The following NEMP1 variants were observed in gnomAD, a reference collection of about 807,000 sequenced individuals.
The protein encoded by NEMP1 is transmembrane protein 194.
Under a neutral mutation model 53.7 loss-of-function variants are expected in NEMP1, and 29 were observed. The observed-to-expected ratio is 0.54, with a 90% CI of 0.40 to 0.74. NEMP1 has a LOEUF of 0.74. Ranked by LOEUF, NEMP1 falls within the 30% of genes least tolerant of loss-of-function variation. NEMP1 has a pLI of 0.00. For synonymous variants in NEMP1, 193 were observed against 192.9 expected (o/e 1.00, Z 0.00); for missense variants, 477 against 528.6 (o/e 0.90, Z 0.96).
At chr12:57,088,594 G>A (rs2233268), upstream of NEMP1, among the ~76,000 whole-genome samples, 1 of 152,200 alleles carries the variant, frequency 6.6e-6, no homozygotes, top group Non-Finnish European at 1.5e-5. Flanking sequence ...GCGTGTGCAC[G>A]TCCGTGCGCT....
rs1443214604 is a variant in NEMP1 at position 57,070,838 on chromosome 12, T to G, written c.308A>C (p.Lys103Thr). ...ACTAAACTGCTCTAGCTCCTTCAGT[T>G]TCTCCTCATTCTCCACCTGGGTGAC... is the stretch of plus-strand genomic sequence containing the variant. ...VRVTQVENEE[K>T]LKELEQFSIW... is the part of the protein sequence containing the mutation. The change falls in exon 3 of 9, where the codon AAA becomes ACA. Residue 103 changes from lysine (K) to threonine (T), a missense_variant. Lys to Thr is a moderately conservative substitution (Grantham distance 78, BLOSUM62 -1). Coordinates refer to ENST00000300128, the MANE Select transcript of NEMP1 (RefSeq NM_001130963.2). The G allele has an allele frequency of 6.2e-7, 1 of 1,614,182 alleles. No individual in the cohort carries two copies. The highest frequency in any genetic ancestry group is 8.5e-7 in the Non-Finnish European group (1 of 1,180,026).
At chr12:57,082,024 C>G (rs1055789981), upstream of NEMP1, among the ~76,000 whole-genome samples, 1 of 152,100 alleles carries the variant, frequency 6.6e-6, no homozygotes, top group Non-Finnish European at 1.5e-5. Context: ...CAAGACCAGC[C>G]TGGCCACCAT....
chr12:57,063,202 T>C lies in NEMP1; in HGVS notation c.897A>G (p.Pro299=), dbSNP rs746353059. The part of the protein sequence containing the change: ...LCFMYSGIQI[P]HIALAIIIIA... ...TGATGATAATGGCAAGGGCAATATG[T>C]GGTATCTGGATGCCAGAATACATGA... Residue 299 remains proline, a synonymous_variant, in exon 7 of 9, where the codon CCA becomes CCG. Coordinates refer to ENST00000300128, the MANE Select transcript of NEMP1 (RefSeq NM_001130963.2). 1 of 1,614,202 alleles carries C rather than the reference T, an allele frequency of 6.2e-7. No individual in the cohort carries two copies. Among genetic ancestry groups the C allele is most frequent in the South Asian group, 1.1e-5 (1 of 91,084 alleles).
chr12:57,064,569 T>G, intron 5 of NEMP1, 77 bp downstream of exon 5: 1 of 1,146,116 alleles, frequency 8.7e-7, no homozygotes, highest in Non-Finnish European at 1.3e-6. Context: ...ATTTTCAGTT[T>G]TCTAAGATTA....
rs888038649 is a variant in NEMP1, at chr12:57,068,882, C to T, written c.545+352G>A. On this transcript the variant is annotated intron_variant, in intron 4 of 8. Coordinates refer to ENST00000300128, the MANE Select transcript of NEMP1 (RefSeq NM_001130963.2). ...TACCCAGAAGCTATTTGTTTCTTTA[C>T]GTCTGAACAAAATGAAACTCATCAA... is the stretch of plus-strand genomic sequence containing the variant. Among the ~76,000 whole-genome samples, 7 of 152,098 alleles carry T rather than the reference C, an allele frequency of 4.6e-5. No homozygotes were observed. In the East Asian group the frequency reaches 9.7e-4, roughly 21 times the overall value.
intron 1 of NEMP1, among the ~76,000 whole-genome samples, chr12:57,084,203 C>T (rs1427429345): frequency 6.6e-6 from 1 of 152,298 alleles, no homozygotes; most frequent in East Asian, 1.9e-4. Flanking sequence ...CTCAGGTGAT[C>T]CACCCACCTC....
chr12:57,062,938 T>C (rs1461143934), intron 7 of NEMP1, among the ~76,000 whole-genome samples, 181 bp downstream of exon 7: 2 of 149,648 alleles, frequency 1.3e-5, no homozygotes, highest in Non-Finnish European at 3.0e-5. Flanking sequence ...AATAAAAATA[T>C]AAAAATTCCT....
chr12:57,076,640 T>C (rs1484676648), intron 1 of NEMP1, among the ~76,000 whole-genome samples: 1 of 146,668 alleles, frequency 6.8e-6, no homozygotes, highest in South Asian at 2.2e-4. Context: ...ACCCCGTCTG[T>C]ACAAAAAATA....
upstream of NEMP1, among the ~76,000 whole-genome samples, chr12:57,079,508 G>A (rs912867850): frequency 2.0e-5 from 3 of 152,164 alleles, no homozygotes; most frequent in African/African-American, 7.2e-5. Context: ...TAGTTCATCT[G>A]GTCTGTGATC....
upstream of NEMP1, among the ~76,000 whole-genome samples, chr12:57,081,698 G>A (rs748910732): frequency 5.3e-5 from 8 of 150,044 alleles, no homozygotes; most frequent in Non-Finnish European, 4.5e-5. Flanking sequence ...ATGAGGTCAG[G>A]AGATGGAGAC....
Position 57,057,228 on chromosome 12 carries a change from C to T in NEMP1, c.*2651G>A, listed in dbSNP as rs2031568355. 6.6e-6 allele frequency: 1 copy of T among 152,220 alleles called. No individual in the cohort carries two copies. Among genetic ancestry groups the T allele is most frequent in the Admixed American group, 6.5e-5 (1 of 15,288 alleles). 9.4% of individuals were successfully genotyped at this position (152,220 alleles called of 1,614,324 possible). On this transcript the variant is annotated 3_prime_UTR_variant, in exon 9 of 9. Coordinates refer to ENST00000300128, the MANE Select transcript of NEMP1 (RefSeq NM_001130963.2). Reference sequence around the variant, plus strand: ...TGATGAGATCCAGAGCCCTGGAGCCCATTTATGGCTTGACATTCACCCAGC... The same window carrying T: ...TGATGAGATCCAGAGCCCTGGAGCCTATTTATGGCTTGACATTCACCCAGC...
In NEMP1 at chr12:57,078,783, C is replaced by T. The variant is rs774247383; in HGVS notation, c.-38G>A. The T allele has an allele frequency of 3.8e-6, 6 of 1,586,922 alleles. No homozygotes were observed. In the East Asian group the frequency reaches 1.4e-4, roughly 36 times the overall value. On this transcript the variant is annotated 5_prime_UTR_variant, in exon 1 of 9. Transcript: ENST00000300128. ...CCACCTCCTCCTCACGTGCCTTACC[C>T]CAGCAACTAACTCCGAACGGGCAAC... is the stretch of plus-strand genomic sequence containing the variant.
rs992292702 is a variant in NEMP1, at chr12:57,055,720, T to C, written c.*4159A>G. 1.3e-5 allele frequency: 2 copies of C among 152,226 alleles called. No individual in the cohort carries two copies. The highest frequency in any genetic ancestry group is 1.3e-4 in the Admixed American group (2 of 15,292). 9.4% of individuals were successfully genotyped at this position (152,226 alleles called of 1,614,324 possible). ...AAAAATACATTAAGACATTGTTCTT[T>C]TTTCTTACAGAAAAGAGGGTGAAAA... On this transcript the variant is annotated 3_prime_UTR_variant, in exon 9 of 9. Transcript: ENST00000300128.
Position 57,076,036 on chromosome 12 carries a change from C to T in NEMP1, c.127+2583G>A, listed in dbSNP as rs568936888. On this transcript the variant is annotated intron_variant, in intron 1 of 8. Transcript: ENST00000300128. ...GGAGAATCGCTTGAACCTAGGTGGC[C>T]GAGATGGCACCACTGCACTCCAGCC... Among the ~76,000 whole-genome samples the T allele has an allele frequency of 9.1e-4, 138 of 151,902 alleles. 1 individual carries two copies. The highest frequency in any genetic ancestry group is 1.6e-3 in the Non-Finnish European group (109 of 67,968).
chr12:57,064,926 T>C (rs1056893478), intron 4 of NEMP1, among the ~76,000 whole-genome samples, 187 bp from the exon 5 acceptor site: 2 of 152,228 alleles, frequency 1.3e-5, no homozygotes, highest in African/African-American at 4.8e-5. Flanking sequence ...TTGCAGTAAG[T>C]AAGTCACACA....
intron 3 of NEMP1, 38 bp downstream of exon 3, chr12:57,070,636 A>C: frequency 6.6e-7 from 1 of 1,508,002 alleles, no homozygotes; most frequent in Non-Finnish European, 9.0e-7. Context: ...AGTCCTTATC[A>C]CTACAGAATC....
At chr12:57,083,052 T>G (rs970503037), upstream of NEMP1, among the ~76,000 whole-genome samples, 1 of 152,078 alleles carries the variant, frequency 6.6e-6, no homozygotes, top group African/African-American at 2.4e-5. Context: ...AAGGCTAATA[T>G]ATATGTATAG....
upstream of NEMP1, among the ~76,000 whole-genome samples, chr12:57,088,467 A>G (rs562517119): frequency 2.6e-5 from 4 of 152,190 alleles, no homozygotes; most frequent in Non-Finnish European, 5.9e-5. Context: ...ATGCACGCAC[A>G]GGAGAAGCCG....
chr12:57,070,910 A>G lies in NEMP1; in HGVS notation c.253-17T>C. 2 of 1,575,496 alleles carry G rather than the reference A, an allele frequency of 1.3e-6. No individual in the cohort carries two copies. Among genetic ancestry groups the G allele is most frequent in the Non-Finnish European group, 1.7e-6 (2 of 1,159,216 alleles). ...TACTCGGATCTGTAACACAAATAAA[A>G]TCAGGATGAGAAAAAAGGAAGTAGG... On this transcript the variant is annotated splice_polypyrimidine_tract_variant and intron_variant, in intron 2 of 8. Transcript: ENST00000300128.
Sources: allele counts gnomAD v4.1 joint callset (sites outside exome capture counted in the v4.1 genomes callset), GRCh38; gene constraint gnomAD v4.1.1; transcripts MANE v1.5; gene names NCBI Gene and HGNC (gene_info 2026-07-23, HGNC 2026-07-21).